The following KIDINS220 variants were observed in gnomAD, a reference collection of about 807,000 sequenced individuals.
KIDINS220 encodes the protein kinase D-interacting substrate of 220 kDa.
In KIDINS220, 63 loss-of-function variants were observed where a neutral mutation model predicts 157.6. That is an observed-to-expected ratio of 0.40 (90% confidence interval 0.33 to 0.49). KIDINS220 has a LOEUF of 0.49. KIDINS220 is among the 20% of genes least tolerant of loss of function. The pLI is 0.66. For missense variants in KIDINS220, 1,772 were observed against 2,171.2 expected (o/e 0.82, Z 3.65); for synonymous variants, 732 against 783.6 (o/e 0.93, Z 1.10).
chr2:8,791,307 T>C lies in KIDINS220; in HGVS notation c.1277-83A>G, dbSNP rs55792681. On this transcript the variant is annotated intron_variant, in intron 12 of 29. Coordinates refer to ENST00000256707, the MANE Select transcript of KIDINS220 (RefSeq NM_020738.4). ...ACACTATTTTCATTGTTTCCTTGAT[T>C]AGAGAGAAAAAAATTATTTCAAATG... The C allele has an allele frequency of 0.02, 25,301 of 1,254,778 alleles. 400 individuals are homozygous for C. Among genetic ancestry groups the C allele is most frequent in the African/African-American group, 0.072 (4,823 of 66,700 alleles). 77.7% of individuals were successfully genotyped at this position (1,254,778 alleles called of 1,614,324 possible).
At chr2:8,794,186 T>C (rs540847181) in intron 11 of KIDINS220, 199 bp from the exon 12 acceptor site, 3 of 414,314 alleles carry the variant, frequency 7.2e-6, no homozygotes, top group African/African-American at 2.1e-5. Context: ...TTTGCTCAGA[T>C]ACTGTTTCTC....
Position 8,730,029 on chromosome 2 carries a change from C to T in KIDINS220, c.*691G>A, listed in dbSNP as rs1209017338. ...CCTGGGATTTGGAGAGAAGAGTTTC[C>T]GACATATAAACCCACGGAGGTCACC... On this transcript the variant is annotated 3_prime_UTR_variant, in exon 30 of 30. Coordinates refer to ENST00000256707, the MANE Select transcript of KIDINS220 (RefSeq NM_020738.4). The T allele has an allele frequency of 7.1e-6, 7 of 985,284 alleles. No individual in the cohort carries two copies. Among genetic ancestry groups the T allele is most frequent in the South Asian group, 4.7e-5 (1 of 21,280 alleles). 61.0% of individuals were successfully genotyped at this position (985,284 alleles called of 1,614,324 possible). A position where few individuals can be genotyped will look rare whatever the true frequency, so the allele number is the denominator to read the frequency against.
chr2:8,818,423 A>G (rs974964844), intron 3 of KIDINS220, among the ~76,000 whole-genome samples: 6 of 152,126 alleles, frequency 3.9e-5, no homozygotes, highest in African/African-American at 1.2e-4. Flanking sequence ...TCGTATGTGG[A>G]TATCTTCTAG....
intron 26 of KIDINS220, among the ~76,000 whole-genome samples, chr2:8,741,696 G>A (rs1665650985): frequency 6.6e-6 from 1 of 152,160 alleles, no homozygotes; most frequent in Non-Finnish European, 1.5e-5. Flanking sequence ...TAACATTACT[G>A]TAATATTATT....
intron 22 of KIDINS220, among the ~76,000 whole-genome samples, chr2:8,764,424 C>T (rs1362709504): frequency 6.6e-6 from 1 of 152,144 alleles, no homozygotes; most frequent in Non-Finnish European, 1.5e-5. Context: ...AGAGCAACTC[C>T]ACCAGACCAT....
rs758962157 is a variant in KIDINS220 at position 8,733,584 on chromosome 2, C to T, written c.3913G>A (p.Ala1305Thr). 4 of 1,614,102 alleles carry T rather than the reference C, an allele frequency of 2.5e-6. No homozygotes were observed. The highest frequency in any genetic ancestry group is 1.1e-5 in the South Asian group (1 of 91,082). ...AGCTCGTTGTGGGAAGCGCGGCGAG[C>T]AGGCTCACCGTGCGGGGCTGGGCCA... ...SSGPAPHGEPARRASHNELPH... is the reference protein window; with the variant it reads ...SSGPAPHGEPTRRASHNELPH... The change falls in exon 29 of 30, where the codon GCT becomes ACT. Residue 1305 changes from alanine to threonine, a missense_variant. Ala to Thr is a moderately conservative substitution (Grantham distance 58, BLOSUM62 0). Around this residue, in one of 3 missense-constraint regions of KIDINS220, gnomAD observed 793 missense variants for 885.5 expected, o/e 0.90. Transcript: ENST00000256707.
At chr2:8,774,162 G>A (rs1024032757) in intron 21 of KIDINS220, among the ~76,000 whole-genome samples, 1 of 152,002 alleles carries the variant, frequency 6.6e-6, no homozygotes, top group Non-Finnish European at 1.5e-5. Context: ...CGGGCGTGGT[G>A]GCACATGCCT....
rs371277615 is a variant in KIDINS220 at position 8,776,882 on chromosome 2, C to T, written c.2714G>A (p.Arg905Gln). The change falls in exon 21 of 30, where the codon CGA becomes CAA. Residue 905 changes from arginine (R) to glutamine (Q), a missense_variant. Physicochemically the swap from Arg to Gln is conservative, Grantham distance 43. Around this residue, in one of 3 missense-constraint regions of KIDINS220, gnomAD observed 725 missense variants for 1,017.1 expected, o/e 0.71. Transcript: ENST00000256707. ...GATGGTCCTCTGCATCTGCCTTCTT[C>T]GGTAAGTGTCCTGAAACAGCACGTC... is the stretch of plus-strand genomic sequence containing the variant. ...KTALNRRDTY[R>Q]RRQMQRTITR... is the part of the protein sequence containing the mutation. The T allele has an allele frequency of 3.1e-6, 5 of 1,613,408 alleles. No individual in the cohort carries two copies. The highest frequency in any genetic ancestry group is 4.2e-6 in the Non-Finnish European group (5 of 1,179,754).
intron 1 of KIDINS220, among the ~76,000 whole-genome samples, chr2:8,833,425 T>G (rs2148461367): frequency 6.6e-6 from 1 of 152,222 alleles, no homozygotes; most frequent in Admixed American, 6.5e-5. Flanking sequence ...TTTTTATTCC[T>G]TCATAACACT....
chr2:8,737,754 A>G (rs1255321190), intron 26 of KIDINS220, among the ~76,000 whole-genome samples: 1 of 152,236 alleles, frequency 6.6e-6, no homozygotes, highest in Non-Finnish European at 1.5e-5. Context: ...GCATCTTCCC[A>G]GCACAGATGT....
chr2:8,755,229 AT>A (rs1667860430), intron 22 of KIDINS220, among the ~76,000 whole-genome samples: 1 of 152,120 alleles, frequency 6.6e-6, no homozygotes, highest in South Asian at 2.1e-4. Flanking sequence ...ATTCCTACCC[AT>A]CCTTTGTGCT....
chr2:8,822,507 A>G (rs1678137045), intron 2 of KIDINS220, among the ~76,000 whole-genome samples: 1 of 152,186 alleles, frequency 6.6e-6, no homozygotes. Context: ...ACACGCCTGT[A>G]GTCCTAGCTA....
chr2:8,814,520 G>T (rs1676778856), intron 4 of KIDINS220, among the ~76,000 whole-genome samples: 1 of 152,128 alleles, frequency 6.6e-6, no homozygotes, highest in Admixed American at 6.5e-5. Flanking sequence ...GTGTGGGGAA[G>T]GGAAGTAGGC....
chr2:8,741,168 T>C (rs1020685445), intron 26 of KIDINS220, among the ~76,000 whole-genome samples: 7 of 152,216 alleles, frequency 4.6e-5, no homozygotes, highest in Non-Finnish European at 7.3e-5. Flanking sequence ...AAGCTATTAT[T>C]CACCTGATTG....
chr2:8,733,859 A>G (rs770684022), intron 28 of KIDINS220, among the ~76,000 whole-genome samples, 179 bp from the exon 29 acceptor site: 9 of 152,326 alleles, frequency 5.9e-5, no homozygotes, highest in Admixed American at 1.3e-4. Context: ...ATGTTCATTA[A>G]TACTAAAGGA....
At chr2:8,778,059 A>C (rs973455258) in intron 20 of KIDINS220, among the ~76,000 whole-genome samples, 20 of 152,226 alleles carry the variant, frequency 1.3e-4, no homozygotes, top group Non-Finnish European at 2.8e-4. Context: ...ACTGCCCTGC[A>C]AGTGAATATC....
rs1188797802 is a variant in KIDINS220 at position 8,780,506 on chromosome 2, ATG to A, written c.2230-694_2230-693del. Among the ~76,000 whole-genome samples, 12 of 98,944 alleles carry A rather than the reference ATG, an allele frequency of 1.2e-4. 1 individual carries two copies. Among genetic ancestry groups the A allele is most frequent in the Non-Finnish European group, 7.9e-5 (4 of 50,940 alleles). The allele number at this position is 98,944 out of a possible 152,430, so 64.9% of individuals were successfully genotyped here. A position where few individuals can be genotyped will look rare whatever the true frequency, so the allele number is the denominator to read the frequency against. On this transcript the variant is annotated intron_variant, in intron 17 of 29. Transcript: ENST00000256707. The stretch of plus-strand genomic sequence containing the variant: ...ACTCCTTGATTACGTAAGCTTATAT[ATG>A]TGTGTGTGTGTCTGTGTGTGTGTGT...
At chr2:8,822,460 C>CA (rs1233824774) in intron 2 of KIDINS220, among the ~76,000 whole-genome samples, 3 of 151,870 alleles carry the variant, frequency 2.0e-5, no homozygotes, top group Non-Finnish European at 2.9e-5. Flanking sequence ...TTCATCTCTA[C>CA]AAAAAAAATT....
rs1431971290 is a variant in KIDINS220, at chr2:8,778,745, G to C, written c.2615-18C>G. 5.0e-6 allele frequency: 8 copies of C among 1,606,558 alleles called. No individual in the cohort carries two copies. The highest frequency in any genetic ancestry group is 6.8e-6 in the Non-Finnish European group (8 of 1,173,350). The stretch of plus-strand genomic sequence containing the variant: ...CTGTATCCCTTAAATAATTTATCAA[G>C]ACAGCATCACTTACACCAAAATTCT... On this transcript the variant is annotated intron_variant, in intron 19 of 29. Transcript: ENST00000256707.
Sources: gnomAD v4.1 joint callset for allele counts (sites outside exome capture counted in the v4.1 genomes callset) on GRCh38, gnomAD v4.1.1 for gene constraint, gnomAD v4.1.1 regional missense constraint, MANE v1.5 for transcripts, NCBI Gene and HGNC (gene_info 2026-07-23, HGNC 2026-07-21) for gene names.